The following SLC37A3 variants were observed in gnomAD, a reference collection of about 807,000 sequenced individuals.
SLC37A3 encodes solute carrier family 37 member 3, also known as sugar phosphate exchanger 3.
SLC37A3 carries 51 observed loss-of-function variants against 67.1 expected under a neutral mutation model. That is an observed-to-expected ratio of 0.76 (90% CI 0.61 to 0.96). SLC37A3 has a LOEUF of 0.96. Among genes scored for constraint, SLC37A3 ranks in the 40% least tolerant of loss-of-function variants. The pLI, the probability that SLC37A3 is intolerant of heterozygous loss-of-function variation, is 0.00. For missense variants in SLC37A3, 508 were observed against 603.0 expected, an observed-to-expected ratio of 0.84 and a Z score of 1.65; for synonymous variants, 214 against 231.4, an observed-to-expected ratio of 0.92 and a Z score of 0.68.
intron 1 of SLC37A3, among the ~76,000 whole-genome samples, chr7:140,391,119 A>G (rs890713643): frequency 2.0e-5 from 3 of 152,180 alleles, no homozygotes; most frequent in Non-Finnish European, 4.4e-5. Context: ...GCGATTTCAC[A>G]CTTCTCTTTT....
At chr7:140,338,367 T>A (rs1402127807) in intron 13 of SLC37A3, among the ~76,000 whole-genome samples, 1 of 152,242 alleles carries the variant, frequency 6.6e-6, no homozygotes, top group Non-Finnish European at 1.5e-5. Flanking sequence ...TTCCATGAAC[T>A]GGCCTATGCT....
At chr7:140,350,568 T>A (rs79388909) in intron 9 of SLC37A3, among the ~76,000 whole-genome samples, 21,070 of 151,906 alleles carry the variant, frequency 0.14, 1,777 homozygotes, top group South Asian at 0.24. Context: ...ATGGAGACCA[T>A]CCCGGCTAAC....
intron 6 of SLC37A3, among the ~76,000 whole-genome samples, chr7:140,357,938 TG>T (rs1797100739): frequency 2.0e-5 from 3 of 147,972 alleles, no homozygotes; most frequent in Admixed American, 6.7e-5. Context: ...TAGCTGGACA[TG>T]GTGGTACACA....
intron 14 of SLC37A3, among the ~76,000 whole-genome samples, chr7:140,336,122 T>C (rs986849999): frequency 1.3e-5 from 2 of 152,232 alleles, no homozygotes; most frequent in African/African-American, 4.8e-5. Context: ...TAGACCTGTC[T>C]TGAGCACTGT....
Position 140,335,522 on chromosome 7 carries a change from T to C in SLC37A3, c.1393-18A>G, listed in dbSNP as rs757417147. On this transcript the variant is annotated intron_variant, in intron 14 of 14. Coordinates refer to ENST00000326232, the MANE Select transcript of SLC37A3 (RefSeq NM_207113.3). ...CAACTTGTCTGTAAAGAGAAAATAG[T>C]ATTAAATATGCAGCAACAGTTTACT... 2 of 1,609,106 alleles carry C rather than the reference T, an allele frequency of 1.2e-6. No individual in the cohort carries two copies. The highest frequency in any genetic ancestry group is 1.7e-6 in the Non-Finnish European group (2 of 1,178,314).
intron 4 of SLC37A3, 145 bp from the exon 5 acceptor site, chr7:140,364,636 T>C: frequency 1.5e-6 from 1 of 687,180 alleles, no homozygotes; most frequent in South Asian, 2.4e-5. Context: ...TCTACAGGAG[T>C]TTCACAAATG....
chr7:140,361,831 C>T (rs1321246940), intron 5 of SLC37A3, among the ~76,000 whole-genome samples: 8 of 142,712 alleles, frequency 5.6e-5, no homozygotes, highest in East Asian at 2.1e-4. Context: ...GGATTGCAGA[C>T]GGAGTCTCGT....
At chr7:140,346,572 G>T (rs1036779016) in intron 10 of SLC37A3, among the ~76,000 whole-genome samples, 1 of 152,148 alleles carries the variant, frequency 6.6e-6, no homozygotes, top group African/African-American at 2.4e-5. Context: ...TGCTATTTTT[G>T]ATTTTTCTTT....
At chr7:140,352,226 GAAGGTGGGGGT>G in intron 7 of SLC37A3, 80 bp from the exon 8 acceptor site, 1 of 474,182 alleles carries the variant, frequency 2.1e-6, no homozygotes, top group African/African-American at 2.1e-5. Flanking sequence ...GTGTGTGGGG[GAAGGTGGGGGT>G]GGGGGAGAGG....
At chr7:140,355,403 G>A (rs1398722144) in intron 7 of SLC37A3, among the ~76,000 whole-genome samples, 3 of 151,782 alleles carry the variant, frequency 2.0e-5, no homozygotes, top group Non-Finnish European at 2.9e-5. Context: ...GAGTAGAGAC[G>A]AGGTTTCACC....
At chr7:140,346,765 G>A (rs564794985) in intron 10 of SLC37A3, among the ~76,000 whole-genome samples, 8 of 152,118 alleles carry the variant, frequency 5.3e-5, no homozygotes, top group Non-Finnish European at 1.0e-4. Flanking sequence ...ATGGTAGCAC[G>A]TGCCTATATT....
chr7:140,349,209 C>T (rs540850684), intron 9 of SLC37A3, among the ~76,000 whole-genome samples: 7 of 152,230 alleles, frequency 4.6e-5, no homozygotes, highest in East Asian at 1.9e-4. Flanking sequence ...AGCAGCCAAA[C>T]GGGGTTGGTT....
Position 140,335,257 on chromosome 7 carries a change from T to C in SLC37A3, c.*155A>G. The C allele has an allele frequency of 6.2e-6, 10 of 1,614,126 alleles. No individual in the cohort carries two copies. The highest frequency in any genetic ancestry group is 8.5e-6 in the Non-Finnish European group (10 of 1,179,992). On this transcript the variant is annotated 3_prime_UTR_variant, in exon 15 of 15. Transcript: ENST00000326232. ...TGTAGAAAACTAGTGCAGCCTTCAC[T>C]GCTGGTCAGCATCTCAGGTGGCTGG... is the stretch of plus-strand genomic sequence containing the variant.
At chr7:140,362,448 A>C (rs1478538513) in intron 5 of SLC37A3, among the ~76,000 whole-genome samples, 2 of 114,642 alleles carry the variant, frequency 1.7e-5, no homozygotes, top group African/African-American at 3.4e-5. Context: ...CCGCCCGGCC[A>C]GCCGCCCCGT....
intron 1 of SLC37A3, among the ~76,000 whole-genome samples, chr7:140,392,946 T>C (rs1798777283): frequency 6.6e-6 from 1 of 151,956 alleles, no homozygotes; most frequent in African/African-American, 2.4e-5. Context: ...ACAAAAATTA[T>C]CCAGAAGCAG....
intron 1 of SLC37A3, among the ~76,000 whole-genome samples, chr7:140,389,405 G>A (rs1187590040): frequency 2.0e-5 from 3 of 152,066 alleles, no homozygotes; most frequent in Non-Finnish European, 4.4e-5. Flanking sequence ...AGAAGACAGA[G>A]AGAAAGACTC....
chr7:140,369,424 C>T (rs1030022209), intron 4 of SLC37A3, among the ~76,000 whole-genome samples, 166 bp downstream of exon 4: 2 of 152,102 alleles, frequency 1.3e-5, no homozygotes, highest in Non-Finnish European at 2.9e-5. Context: ...AAATATCTGT[C>T]GAATGAATGA....
intron 9 of SLC37A3, among the ~76,000 whole-genome samples, chr7:140,349,540 G>C (rs565722012): frequency 3.8e-4 from 42 of 109,408 alleles, no homozygotes; most frequent in Middle Eastern, 4.1e-3. Flanking sequence ...AAGGAAAAAG[G>C]GGGGGGGGAC....
At chr7:140,338,237 T>C (rs1381054403) in intron 13 of SLC37A3, among the ~76,000 whole-genome samples, 1 of 152,140 alleles carries the variant, frequency 6.6e-6, no homozygotes, top group Non-Finnish European at 1.5e-5. Flanking sequence ...ACATTCATAA[T>C]GCTGTACAAC....
Sources: gnomAD v4.1 joint callset for allele counts (sites outside exome capture counted in the v4.1 genomes callset) on GRCh38, gnomAD v4.1.1 for gene constraint, MANE v1.5 for transcripts, NCBI Gene and HGNC (gene_info 2026-07-23, HGNC 2026-07-21) for gene names.